Variants in EPHA3 observed in about 807,000 individuals in gnomAD.
EPHA3 encodes the protein ephrin type-A receptor 3.
In EPHA3, 42 loss-of-function variants were observed where a neutral mutation model predicts 107.1. That is an observed-to-expected ratio of 0.39 (90% CI 0.31 to 0.51). EPHA3 has a LOEUF of 0.51. EPHA3 is among the 20% of genes least tolerant of loss of function. The pLI is 0.78. For missense variants in EPHA3, 1,183 were observed against 1,211.2 expected, an observed-to-expected ratio of 0.98 and a Z score of 0.35; for synonymous variants, 461 against 424.8, an observed-to-expected ratio of 1.09 and a Z score of -1.05.
intron 3 of EPHA3, among the ~76,000 whole-genome samples, chr3:89,243,675 A>C (rs1020985348): frequency 6.6e-6 from 1 of 152,050 alleles, no homozygotes; most frequent in Non-Finnish European, 1.5e-5. Context: ...TCGTCAGATG[A>C]GTAGATTGCA....
At chr3:89,341,130 G>A (rs1707511567) in intron 4 of EPHA3, 59 bp downstream of exon 4, 16 of 1,520,698 alleles carry the variant, frequency 1.1e-5, no homozygotes, top group South Asian at 8.8e-5. Flanking sequence ...TCTTGTTACT[G>A]TGCTGTTTGT....
chr3:89,478,610 T>C (rs73846199), intron 16 of EPHA3, among the ~76,000 whole-genome samples: 5,165 of 152,238 alleles, frequency 0.034, 293 homozygotes, highest in African/African-American at 0.12. Context: ...TCAGACTTTT[T>C]ATATGGCAGC....
intron 7 of EPHA3, among the ~76,000 whole-genome samples, chr3:89,403,033 T>G (rs1172537471): frequency 2.0e-5 from 3 of 152,236 alleles, no homozygotes; most frequent in Non-Finnish European, 4.4e-5. Flanking sequence ...TATGCATATT[T>G]CTTGGTAGAA....
chr3:89,298,281 A>G (rs1706409309), intron 3 of EPHA3, among the ~76,000 whole-genome samples: 1 of 152,132 alleles, frequency 6.6e-6, no homozygotes, highest in South Asian at 2.1e-4. Context: ...CTCTCTGTGC[A>G]GCTTTCTTCT....
At chr3:89,111,614 G>T (rs755393916) in intron 1 of EPHA3, among the ~76,000 whole-genome samples, 1 of 150,104 alleles carries the variant, frequency 6.7e-6, no homozygotes, top group Non-Finnish European at 1.5e-5. Context: ...CTTGACCTAG[G>T]TCATTAACAG....
At chr3:89,430,586 G>T (rs948136310) in intron 12 of EPHA3, among the ~76,000 whole-genome samples, 1 of 152,016 alleles carries the variant, frequency 6.6e-6, no homozygotes, top group African/African-American at 2.4e-5. Context: ...TTGGAAGCTG[G>T]ATTATGTGAT....
chr3:89,219,258 G>A (rs1704290661), intron 3 of EPHA3, among the ~76,000 whole-genome samples: 1 of 151,894 alleles, frequency 6.6e-6, no homozygotes, highest in African/African-American at 2.4e-5. Context: ...CCACCTCCCA[G>A]GTTCAAGTGA....
intron 2 of EPHA3, among the ~76,000 whole-genome samples, chr3:89,143,115 A>G (rs2107020927): frequency 6.6e-6 from 1 of 151,492 alleles, no homozygotes; most frequent in African/African-American, 2.4e-5. Context: ...TATATTTATA[A>G]AATCTTTAAG....
intron 3 of EPHA3, among the ~76,000 whole-genome samples, chr3:89,318,764 G>A (rs1255920640): frequency 6.6e-6 from 1 of 151,862 alleles, no homozygotes; most frequent in Non-Finnish European, 1.5e-5. Flanking sequence ...CTAAAGAATG[G>A]TAGAGTAAAT....
intron 1 of EPHA3, among the ~76,000 whole-genome samples, chr3:89,110,295 C>G (rs1264486470): frequency 6.6e-6 from 1 of 151,816 alleles, no homozygotes; most frequent in Non-Finnish European, 1.5e-5. Flanking sequence ...CATTTGAGAA[C>G]CAAAGAGAAC....
intron 2 of EPHA3, among the ~76,000 whole-genome samples, chr3:89,197,447 C>T (rs1227899264): frequency 1.7e-5 from 1 of 60,352 alleles, no homozygotes; most frequent in Admixed American, 1.9e-4. Flanking sequence ...AAAATAAAAA[C>T]ATAAAAAAAC....
At chr3:89,182,607 G>A (rs946458356) in intron 2 of EPHA3, among the ~76,000 whole-genome samples, 4 of 151,908 alleles carry the variant, frequency 2.6e-5, no homozygotes, top group Non-Finnish European at 5.9e-5. Context: ...ATTTTGAGCA[G>A]AGAAAGTATA....
chr3:89,205,350 C>T (rs909236242), intron 2 of EPHA3, among the ~76,000 whole-genome samples: 3 of 152,092 alleles, frequency 2.0e-5, no homozygotes, highest in Non-Finnish European at 4.4e-5. Flanking sequence ...ATATATGTTT[C>T]CCTCAAAAAT....
intron 5 of EPHA3, among the ~76,000 whole-genome samples, chr3:89,372,942 A>G (rs1576342809): frequency 6.6e-6 from 1 of 151,826 alleles, no homozygotes; most frequent in Admixed American, 6.6e-5. Context: ...GCATGAAAAA[A>G]GTAGTTTGAT....
intron 3 of EPHA3, among the ~76,000 whole-genome samples, chr3:89,284,903 G>T (rs1409725515): frequency 2.6e-5 from 4 of 152,134 alleles, no homozygotes. Flanking sequence ...GAGGAGGGTG[G>T]ATCACTTGAG....
intron 5 of EPHA3, among the ~76,000 whole-genome samples, chr3:89,344,957 C>T (rs944279285): frequency 6.6e-6 from 1 of 151,196 alleles, no homozygotes; most frequent in Non-Finnish European, 1.5e-5. Flanking sequence ...ATCTGTGAAT[C>T]CATCAGTCAA....
chr3:89,256,828 G>GA (rs537531783), intron 3 of EPHA3, among the ~76,000 whole-genome samples: 3 of 152,102 alleles, frequency 2.0e-5, no homozygotes, highest in Non-Finnish European at 2.9e-5. Flanking sequence ...AATACCCAGG[G>GA]AAAAATCACT....
At chr3:89,283,968 A>G (rs1002607740) in intron 3 of EPHA3, among the ~76,000 whole-genome samples, 10 of 152,138 alleles carry the variant, frequency 6.6e-5, no homozygotes, top group African/African-American at 2.2e-4. Context: ...AAACATGAAT[A>G]CAGAGACATT....
chr3:89,357,508 A>G (rs1218898509), intron 5 of EPHA3, among the ~76,000 whole-genome samples: 1 of 151,262 alleles, frequency 6.6e-6, no homozygotes, highest in East Asian at 1.9e-4. Context: ...CTATTTGAAT[A>G]TACTTTGTGG....
Sources: gnomAD v4.1 joint callset for allele counts (sites outside exome capture counted in the v4.1 genomes callset) on GRCh38, gnomAD v4.1.1 for gene constraint, MANE v1.5 for transcripts, NCBI Gene and HGNC (gene_info 2026-07-23, HGNC 2026-07-21) for gene names.